B3GALT1: variants seen among roughly 807,000 people sequenced by gnomAD.
B3GALT1 encodes beta-1,3-galactosyltransferase 1, also known as UDP-Gal:betaGlcNAc beta 1,3-galactosyltransferase, polypeptide 1.
B3GALT1 carries 10 observed loss-of-function variants against 23.2 expected under a neutral mutation model. The observed-to-expected ratio is 0.43, with a 90% CI of 0.27 to 0.73. The LOEUF (loss-of-function observed/expected upper bound fraction) is 0.73. Among genes scored for constraint, B3GALT1 ranks in the 30% least tolerant of loss-of-function variants. B3GALT1 has a pLI of 0.21. For missense variants in B3GALT1, 299 were observed against 405.4 expected, an observed-to-expected ratio of 0.74 and a Z score of 2.25; for synonymous variants, 156 against 141.5, an observed-to-expected ratio of 1.10 and a Z score of -0.73.
chr2:167,335,087 GA>G (rs1372294695), intron 1 of B3GALT1, among the ~76,000 whole-genome samples: 1 of 151,902 alleles, frequency 6.6e-6, no homozygotes, highest in Non-Finnish European at 1.5e-5. Context: ...TGACTTACAT[GA>G]ATGGTTCTCT....
At chr2:167,456,929 C>T (rs1271017296) in intron 1 of B3GALT1, among the ~76,000 whole-genome samples, 1 of 152,140 alleles carries the variant, frequency 6.6e-6, no homozygotes, top group East Asian at 1.9e-4. Flanking sequence ...TTAACTCAAA[C>T]TCCACCCCCT....
At chr2:167,716,077 G>T (rs1428486699) in intron 3 of B3GALT1, 3 of 1,561,788 alleles carry the variant, frequency 1.9e-6, no homozygotes, top group East Asian at 2.2e-5. Flanking sequence ...GCGCCAAGCT[G>T]CTCTGGCGGT....
intron 2 of B3GALT1, among the ~76,000 whole-genome samples, chr2:167,594,476 A>C (rs1320769305): frequency 6.6e-6 from 1 of 152,214 alleles, no homozygotes; most frequent in African/African-American, 2.4e-5. Flanking sequence ...GGTCCCCATT[A>C]TGTGGCATGA....
At chr2:167,478,261 A>G (rs1699514322) in intron 1 of B3GALT1, among the ~76,000 whole-genome samples, 1 of 152,168 alleles carries the variant, frequency 6.6e-6, no homozygotes, top group Non-Finnish European at 1.5e-5. Flanking sequence ...ATCCTTTATA[A>G]TCCTAAACAC....
At chr2:167,781,392 G>A (rs926546038) in intron 3 of B3GALT1, among the ~76,000 whole-genome samples, 8 of 152,058 alleles carry the variant, frequency 5.3e-5, no homozygotes, top group Non-Finnish European at 1.2e-4. Context: ...TTTTTCACAG[G>A]AACTTTCTCA....
At chr2:167,499,570 C>T (rs1390407319) in intron 2 of B3GALT1, among the ~76,000 whole-genome samples, 1 of 152,210 alleles carries the variant, frequency 6.6e-6, no homozygotes, top group Middle Eastern at 3.4e-3. Flanking sequence ...AAGTGGTTAC[C>T]TAAAATTAAA....
intron 2 of B3GALT1, among the ~76,000 whole-genome samples, chr2:167,588,246 T>TC (rs35196512): frequency 0.19 from 28,168 of 152,112 alleles, 2,692 homozygotes; most frequent in Non-Finnish European, 0.2. Flanking sequence ...ACCTGTGAGC[T>TC]AAAAAAACTA....
chr2:167,549,219 G>A (rs944988047), intron 2 of B3GALT1, among the ~76,000 whole-genome samples: 1 of 152,138 alleles, frequency 6.6e-6, no homozygotes, highest in Non-Finnish European at 1.5e-5. Flanking sequence ...ATGTATGTTG[G>A]CGGGGGGCTC....
chr2:167,570,213 T>C (rs1282771231), intron 2 of B3GALT1, among the ~76,000 whole-genome samples: 1 of 151,910 alleles, frequency 6.6e-6, no homozygotes, highest in Non-Finnish European at 1.5e-5. Context: ...GCTTCTGTCT[T>C]CTGAAAGAGA....
At chr2:167,847,939 T>C (rs1689795906) in intron 4 of B3GALT1, among the ~76,000 whole-genome samples, 1 of 151,054 alleles carries the variant, frequency 6.6e-6, no homozygotes, top group African/African-American at 2.4e-5. Context: ...ATACAAAAGA[T>C]TATTCAAGGC....
intron 1 of B3GALT1, among the ~76,000 whole-genome samples, chr2:167,394,914 C>A (rs1698072269): frequency 6.6e-6 from 1 of 152,164 alleles, no homozygotes; most frequent in African/African-American, 2.4e-5. Flanking sequence ...CTTATGCGTT[C>A]CACCATTGTG....
At chr2:167,335,654 G>T (rs1272668202) in intron 1 of B3GALT1, among the ~76,000 whole-genome samples, 2 of 152,164 alleles carry the variant, frequency 1.3e-5, no homozygotes, top group Admixed American at 6.5e-5. Context: ...AACTGTCATG[G>T]TGCTGGTAGG....
At chr2:167,418,880 G>A (rs1395808079) in intron 1 of B3GALT1, among the ~76,000 whole-genome samples, 2 of 152,100 alleles carry the variant, frequency 1.3e-5, no homozygotes, top group African/African-American at 2.4e-5. Context: ...GAGCAAGAAG[G>A]TGTGGGAGGA....
At chr2:167,515,657 G>T (rs1490437869) in intron 2 of B3GALT1, among the ~76,000 whole-genome samples, 2 of 152,000 alleles carry the variant, frequency 1.3e-5, no homozygotes, top group South Asian at 2.1e-4. Flanking sequence ...ATTTTGTTTT[G>T]ATCTTAAACT....
intron 3 of B3GALT1, chr2:167,716,203 G>A: frequency 2.0e-6 from 2 of 992,936 alleles, no homozygotes; most frequent in Non-Finnish European, 2.9e-6. Flanking sequence ...CGGCTGCGGA[G>A]GGAGCTGGGG....
chr2:167,671,113 G>A (rs1365722586), intron 3 of B3GALT1, among the ~76,000 whole-genome samples: 1 of 152,072 alleles, frequency 6.6e-6, no homozygotes, highest in East Asian at 1.9e-4. Context: ...AATGACAAAG[G>A]ATGTAACAAT....
At chr2:167,548,386 T>A (rs966724020) in intron 2 of B3GALT1, among the ~76,000 whole-genome samples, 4 of 152,190 alleles carry the variant, frequency 2.6e-5, no homozygotes, top group Non-Finnish European at 5.9e-5. Context: ...GCCTGAAGAC[T>A]CTAGTTCCCA....
chr2:167,724,006 G>C (rs1417706801), intron 3 of B3GALT1, among the ~76,000 whole-genome samples: 1 of 152,094 alleles, frequency 6.6e-6, no homozygotes, highest in Non-Finnish European at 1.5e-5. Flanking sequence ...TTTTACATTT[G>C]ATACATCTAA....
In B3GALT1 at chr2:167,789,811, A is replaced by T. The variant is rs140032405; in HGVS notation, c.-351-28861A>T. ...CCCACAGCCCCCAGCTCCACCATGG[A>T]TCAGCAGTCACTTATGCCCAGTGGT... On this transcript the variant is annotated intron_variant, in intron 3 of 4. Transcript: ENST00000392690. Among the ~76,000 whole-genome samples the T allele has an allele frequency of 1.6e-3, 243 of 152,058 alleles. 3 individuals are homozygous for T. The East Asian group carries it at 0.032, about 20-fold the overall frequency.
Sources: gnomAD v4.1 joint callset for allele counts (sites outside exome capture counted in the v4.1 genomes callset) on GRCh38, gnomAD v4.1.1 for gene constraint, MANE v1.5 for transcripts, NCBI Gene and HGNC (gene_info 2026-07-23, HGNC 2026-07-21) for gene names.